The following MPP7 variants were observed in gnomAD, a reference collection of about 807,000 sequenced individuals.
MPP7 encodes the protein MAGUK p55 subfamily member 7.
A neutral mutation model predicts 76.5 loss-of-function variants in MPP7; 60 were observed. That is an observed-to-expected ratio of 0.78 (90% CI 0.64 to 0.97). The LOEUF is 0.97. MPP7 is among the 50% of genes least tolerant of loss of function. The pLI is 0.00. For missense variants in MPP7, 641 were observed against 694.0 expected (o/e 0.92, Z 0.86); for synonymous variants, 237 against 244.5 (o/e 0.97, Z 0.29).
intron 3 of MPP7, among the ~76,000 whole-genome samples, chr10:28,187,351 T>C (rs1427732491): frequency 6.6e-6 from 1 of 152,214 alleles, no homozygotes; most frequent in Non-Finnish European, 1.5e-5. Flanking sequence ...TACATGTTTC[T>C]GTGCCTGAAA....
intron 1 of MPP7, among the ~76,000 whole-genome samples, chr10:28,252,872 C>G (rs573727307): frequency 3.0e-4 from 46 of 152,098 alleles, no homozygotes; most frequent in African/African-American, 9.9e-4. Context: ...AGTTTATTCT[C>G]TGTGTCCTAG....
chr10:28,239,351 T>C (rs1248387623), intron 1 of MPP7, among the ~76,000 whole-genome samples: 1 of 151,964 alleles, frequency 6.6e-6, no homozygotes, highest in African/African-American at 2.4e-5. Context: ...TTCACCATGT[T>C]GGCCAGGCTG....
intron 13 of MPP7, 136 bp from the exon 14 acceptor site, chr10:28,059,879 T>G: frequency 1.6e-6 from 1 of 641,366 alleles, no homozygotes; most frequent in Non-Finnish European, 2.7e-6. Context: ...AATTAGCTAA[T>G]AAAATACAGT....
intron 2 of MPP7, among the ~76,000 whole-genome samples, chr10:28,310,314 A>C (rs777769926): frequency 6.6e-6 from 1 of 151,912 alleles, no homozygotes; most frequent in Non-Finnish European, 1.5e-5. Context: ...TTTCTTTATA[A>C]ATGATCCAGT....
chr10:28,322,577 G>A (rs564491973), intron 2 of MPP7, among the ~76,000 whole-genome samples: 7 of 151,978 alleles, frequency 4.6e-5, no homozygotes, highest in Non-Finnish European at 8.8e-5. Context: ...TCTCTTCGCC[G>A]CTGTCTCTTT....
At chr10:28,197,138 C>T (rs1333741928) in intron 3 of MPP7, among the ~76,000 whole-genome samples, 1 of 151,810 alleles carries the variant, frequency 6.6e-6, no homozygotes, top group East Asian at 1.9e-4. Flanking sequence ...GCCTGACCTC[C>T]CATGCCCTCA....
chr10:28,140,878 T>C (rs1456134462), intron 5 of MPP7, among the ~76,000 whole-genome samples: 5 of 152,204 alleles, frequency 3.3e-5, no homozygotes, highest in Non-Finnish European at 7.3e-5. Context: ...TTCTGTGTTA[T>C]TTACAGAATT....
rs578169942 is a variant in MPP7 at position 28,229,716 on chromosome 10, C to T, written c.37+8852G>A. 2.0e-5 allele frequency among the ~76,000 whole-genome samples: 3 copies of T among 152,054 alleles called. No individual in the cohort carries two copies. In the East Asian group the frequency reaches 5.8e-4, roughly 29 times the overall value. On this transcript the variant is annotated intron_variant, in intron 2 of 16. Transcript: ENST00000683449. ...CATCCTGGCTAACACAGTGAAACCCCGTCTCTACTAAAAATACAAAAAATT... is the reference window on the plus strand; with the variant it reads ...CATCCTGGCTAACACAGTGAAACCCTGTCTCTACTAAAAATACAAAAAATT...
At chr10:28,169,142 T>A (rs1184826699) in intron 3 of MPP7, among the ~76,000 whole-genome samples, 4 of 152,094 alleles carry the variant, frequency 2.6e-5, no homozygotes, top group African/African-American at 9.7e-5. Flanking sequence ...CCATCAGGTG[T>A]GGGTTGGCTT....
chr10:28,262,268 TATATATATA>T (rs1295352803), intron 1 of MPP7, among the ~76,000 whole-genome samples: 1 of 60,562 alleles, frequency 1.7e-5, no homozygotes, highest in African/African-American at 7.2e-5. Context: ...TGTATATATA[TATATATATA>T]TTTTTTTTTT....
chr10:28,287,914 CT>C (rs140801311), intron 1 of MPP7, among the ~76,000 whole-genome samples: 2,446 of 152,266 alleles, frequency 0.016, 71 homozygotes, highest in African/African-American at 0.053. Flanking sequence ...CGCAAATAAG[CT>C]TTAAGAAATG....
chr10:28,310,837 A>G (rs1313222331), intron 2 of MPP7, among the ~76,000 whole-genome samples: 6 of 152,242 alleles, frequency 3.9e-5, no homozygotes. Context: ...TTCTAAGTCT[A>G]TAAGTGTGGG....
intron 1 of MPP7, among the ~76,000 whole-genome samples, chr10:28,294,611 G>A (rs1399653368): frequency 6.6e-6 from 1 of 152,168 alleles, no homozygotes; most frequent in South Asian, 2.1e-4. Flanking sequence ...TCCTTAAAAA[G>A]TAATTGAGTA....
At position 28,052,581 on chromosome 10, in the gene MPP7, T is replaced by C. The variant is rs1355827977; in HGVS notation, c.*1484A>G. On this transcript the variant is annotated 3_prime_UTR_variant, in exon 17 of 17. Coordinates refer to ENST00000683449, the MANE Select transcript of MPP7 (RefSeq NM_001318170.2). The stretch of plus-strand genomic sequence containing the variant: ...TCTTTGTAAAGCTCAAATATTTACA[T>C]GGAATGTTGACCATGATTTATAAAA... The C allele has an allele frequency of 6.6e-6, 1 of 152,646 alleles. No homozygotes were observed. The highest frequency in any genetic ancestry group is 2.4e-5 in the African/African-American group (1 of 41,460). The allele number at this position is 152,646 out of a possible 1,614,324, so 9.5% of individuals were successfully genotyped here.
chr10:28,291,132 A>G (rs972634118), intron 1 of MPP7, among the ~76,000 whole-genome samples: 15 of 152,224 alleles, frequency 9.9e-5, no homozygotes, highest in African/African-American at 3.4e-4. Flanking sequence ...AGCTACATAT[A>G]TAAATTTAGT....
At chr10:28,262,498 A>C (rs1840024498) in intron 1 of MPP7, among the ~76,000 whole-genome samples, 1 of 151,898 alleles carries the variant, frequency 6.6e-6, no homozygotes, top group African/African-American at 2.4e-5. Flanking sequence ...CCTTTTAAAA[A>C]GTTGTCACAA....
intron 5 of MPP7, among the ~76,000 whole-genome samples, chr10:28,143,874 T>C (rs1381473824): frequency 7.0e-6 from 1 of 142,984 alleles, no homozygotes; most frequent in African/African-American, 2.6e-5. Context: ...TGTGTGTGTG[T>C]GTGTGTGTGT....
chr10:28,231,881 A>T (rs1012651525), intron 2 of MPP7, among the ~76,000 whole-genome samples: 1 of 152,220 alleles, frequency 6.6e-6, no homozygotes, highest in Non-Finnish European at 1.5e-5. Flanking sequence ...CGAGACCAGC[A>T]TGACTTTTTG....
intron 2 of MPP7, among the ~76,000 whole-genome samples, chr10:28,327,370 G>T (rs115194558): frequency 2.1e-5 from 3 of 145,650 alleles, no homozygotes; most frequent in African/African-American, 8.0e-5. Flanking sequence ...AATTGAAAAA[G>T]ATTTGCAGCT....
Sources: allele counts gnomAD v4.1 joint callset (sites outside exome capture counted in the v4.1 genomes callset), GRCh38; gene constraint gnomAD v4.1.1; transcripts MANE v1.5; gene names NCBI Gene and HGNC (gene_info 2026-07-23, HGNC 2026-07-21).